Variants in CELF4 observed in about 807,000 individuals in gnomAD.
CELF4 encodes the protein CUGBP Elav-like family member 4, also known as CUG-BP- and ETR-3-like factor 4.
CELF4 carries 18 observed loss-of-function variants against 59.9 expected under a neutral mutation model. The ratio of observed to expected loss-of-function variants is 0.30; its 90% CI spans 0.21 to 0.45. The LOEUF is 0.45. CELF4 is among the 20% of genes least tolerant of loss of function. The pLI is 1.00. For missense variants in CELF4, 456 were observed against 689.0 expected (o/e 0.66, Z 3.79); for synonymous variants, 261 against 267.1 (o/e 0.98, Z 0.22).
intron 12 of CELF4, among the ~76,000 whole-genome samples, chr18:37,249,153 C>G (rs1454626368): frequency 6.6e-6 from 1 of 152,158 alleles, no homozygotes; most frequent in Non-Finnish European, 1.5e-5. Context: ...TCCCCCAGAT[C>G]AGGGACCGTC....
intron 2 of CELF4, among the ~76,000 whole-genome samples, chr18:37,344,698 C>T (rs982277562): frequency 2.6e-5 from 4 of 152,232 alleles, no homozygotes; most frequent in Non-Finnish European, 5.9e-5. Context: ...CATGCACTAA[C>T]CCCATGTTAC....
intron 2 of CELF4, among the ~76,000 whole-genome samples, chr18:37,337,509 C>T (rs778491525): frequency 2.0e-5 from 3 of 152,138 alleles, no homozygotes; most frequent in Non-Finnish European, 4.4e-5. Flanking sequence ...TGATGGCATT[C>T]ATTCATTCCC....
chr18:37,266,524 G>A lies in CELF4; in HGVS notation c.1165+9C>T, dbSNP rs1415832682. ...GGGGAAGGAGCCGTGGGGACGCGTG[G>A]ATACTAACGACCTGCATACTGCTGC... On this transcript the variant is annotated intron_variant, in intron 9 of 12. Coordinates refer to ENST00000420428, the MANE Select transcript of CELF4 (RefSeq NM_020180.4). The A allele has an allele frequency of 6.3e-7, 1 of 1,588,730 alleles. No homozygotes were observed. Among genetic ancestry groups the A allele is most frequent in the South Asian group, 1.2e-5 (1 of 86,768 alleles).
intron 2 of CELF4, among the ~76,000 whole-genome samples, chr18:37,435,224 T>C (rs886239420): frequency 6.6e-6 from 1 of 152,160 alleles, no homozygotes; most frequent in African/African-American, 2.4e-5. Flanking sequence ...TTTTTCCAGT[T>C]CTACTTTCTC....
chr18:37,283,926 C>CAT (rs372278467), intron 3 of CELF4, among the ~76,000 whole-genome samples: 1 of 127,932 alleles, frequency 7.8e-6, no homozygotes, highest in Non-Finnish European at 1.7e-5. Context: ...CACACACACA[C>CAT]ACACCAATAC....
At position 37,321,743 on chromosome 18, in the gene CELF4, G is replaced by A. The variant is rs540378763; in HGVS notation, c.448+60C>T. The A allele has an allele frequency of 4.7e-5, 59 of 1,248,904 alleles. No homozygotes were observed. The East Asian group carries it at 9.3e-4, about 20-fold the overall frequency. 77.4% of individuals were successfully genotyped at this position (1,248,904 alleles called of 1,614,324 possible). On this transcript the variant is annotated intron_variant, in intron 3 of 12. Transcript: ENST00000420428. ...AGTCGCTGCATCGCCTTGCTGCGTC[G>A]GGAAAAGGAGGGAGGAGTGAGAGGG... is the stretch of plus-strand genomic sequence containing the variant.
chr18:37,544,942 G>A (rs1479598583), intron 1 of CELF4, among the ~76,000 whole-genome samples: 1 of 152,168 alleles, frequency 6.6e-6, no homozygotes, highest in Non-Finnish European at 1.5e-5. Flanking sequence ...GACAGGCAAC[G>A]TGACATGCAT....
chr18:37,298,767 G>A (rs1244305983), intron 3 of CELF4, among the ~76,000 whole-genome samples: 1 of 149,244 alleles, frequency 6.7e-6, no homozygotes, highest in Non-Finnish European at 1.5e-5. Context: ...CAGTCTACAA[G>A]ATCTGATAGG....
intron 2 of CELF4, among the ~76,000 whole-genome samples, chr18:37,387,838 G>A (rs532133395): frequency 1.3e-4 from 20 of 152,312 alleles, no homozygotes; most frequent in Admixed American, 7.8e-4. Flanking sequence ...CAATCCTGGC[G>A]AAGGAGCCAA....
chr18:37,470,115 T>C (rs2099817532), intron 2 of CELF4, among the ~76,000 whole-genome samples: 1 of 152,206 alleles, frequency 6.6e-6, no homozygotes, highest in Admixed American at 6.5e-5. Context: ...TCTTTGTAGA[T>C]TTCAATGCTA....
At chr18:37,361,992 C>A (rs56046723) in intron 2 of CELF4, among the ~76,000 whole-genome samples, 29,191 of 152,066 alleles carry the variant, frequency 0.19, 3,058 homozygotes, top group East Asian at 0.32. Flanking sequence ...GAGTGGGAAG[C>A]GGACGGTCAG....
intron 2 of CELF4, among the ~76,000 whole-genome samples, chr18:37,328,328 C>T (rs2097402056): frequency 6.6e-6 from 1 of 152,172 alleles, no homozygotes; most frequent in Non-Finnish European, 1.5e-5. Context: ...GACTGATGCC[C>T]CGCAGGGAGC....
chr18:37,372,030 G>T (rs916931342), intron 2 of CELF4, among the ~76,000 whole-genome samples: 10 of 152,222 alleles, frequency 6.6e-5, no homozygotes, highest in African/African-American at 2.4e-4. Context: ...TACATTGTTG[G>T]TGGGAGTGTA....
rs564889097 is a variant in CELF4 at position 37,432,064 on chromosome 18, G to A, written c.369+53461C>T. 8.9e-4 allele frequency among the ~76,000 whole-genome samples: 135 copies of A among 152,364 alleles called. 1 individual carries two copies. Among genetic ancestry groups the A allele is most frequent in the African/African-American group, 3.0e-3 (125 of 41,596 alleles). On this transcript the variant is annotated intron_variant, in intron 2 of 12. Transcript: ENST00000420428. Reference sequence around the variant, plus strand: ...GCTGTCTCTGGGCCTGAGCTGGGAGGCTGTGAGGCTGGGAGCCCTGGCAGC... The same window carrying A: ...GCTGTCTCTGGGCCTGAGCTGGGAGACTGTGAGGCTGGGAGCCCTGGCAGC...
intron 1 of CELF4, among the ~76,000 whole-genome samples, chr18:37,512,186 T>A (rs971646496): frequency 7.9e-5 from 12 of 152,132 alleles, no homozygotes; most frequent in Non-Finnish European, 4.4e-5. Context: ...TGGAAGAGAA[T>A]CTGTCTTCAA....
At chr18:37,487,617 G>C (rs1215958594) in intron 1 of CELF4, among the ~76,000 whole-genome samples, 1 of 152,090 alleles carries the variant, frequency 6.6e-6, no homozygotes, top group Admixed American at 6.5e-5. Context: ...TGCTTCTCCC[G>C]GGGGCGTCTT....
At chr18:37,430,156 C>T (rs978890551) in intron 2 of CELF4, among the ~76,000 whole-genome samples, 1 of 152,212 alleles carries the variant, frequency 6.6e-6, no homozygotes, top group East Asian at 1.9e-4. Context: ...TCAGCCTGAG[C>T]TGACTTTGTG....
At chr18:37,272,976 C>T (rs1256012193) in intron 7 of CELF4, 40 bp downstream of exon 7, 1 of 1,571,078 alleles carries the variant, frequency 6.4e-7, no homozygotes, top group Non-Finnish European at 8.7e-7. Flanking sequence ...CAGCTGTTCT[C>T]CCACCGGGCC....
At chr18:37,487,163 C>T (rs1299071161) in intron 1 of CELF4, among the ~76,000 whole-genome samples, 1 of 152,196 alleles carries the variant, frequency 6.6e-6, no homozygotes, top group Admixed American at 6.5e-5. Flanking sequence ...AGAATGCTCC[C>T]GGTGTCCTCT....
Sources: allele counts gnomAD v4.1 joint callset (sites outside exome capture counted in the v4.1 genomes callset), GRCh38; gene constraint gnomAD v4.1.1; transcripts MANE v1.5; gene names NCBI Gene and HGNC (gene_info 2026-07-23, HGNC 2026-07-21).